ING4: variants seen among roughly 807,000 people sequenced by gnomAD.
ING4 encodes the protein inhibitor of growth family member 4.
A neutral mutation model predicts 33.1 loss-of-function variants in ING4; 28 were observed. The observed-to-expected ratio is 0.85, with a 90% CI of 0.63 to 1.16. The LOEUF is 1.16. Ranked by LOEUF, ING4 falls within the 50% of genes most tolerant of loss-of-function variation. The pLI, the probability that ING4 is intolerant of heterozygous loss-of-function variation, is 0.00. For synonymous variants in ING4, 87 were observed against 104.4 expected (o/e 0.83, Z 1.02); for missense variants, 247 against 314.7 (o/e 0.78, Z 1.63).
In ING4 at chr12:6,651,136, G is replaced by T; in HGVS notation, c.*59C>A. On this transcript the variant is annotated 3_prime_UTR_variant, in exon 8 of 8. Transcript: ENST00000341550. ...CTGGCCCCAGCACAGGCATTCCTCT[G>T]CCCACTAGCCCAAGTCAGGGGATGT... is the stretch of plus-strand genomic sequence containing the variant. The T allele has an allele frequency of 4.4e-6, 7 of 1,583,626 alleles. No individual in the cohort carries two copies. The highest frequency in any genetic ancestry group is 6.1e-6 in the Non-Finnish European group (7 of 1,152,682).
At chr12:6,658,853 G>A (rs907994987) in intron 1 of ING4, among the ~76,000 whole-genome samples, 1 of 152,152 alleles carries the variant, frequency 6.6e-6, no homozygotes, top group African/African-American at 2.4e-5. Flanking sequence ...CTCCCTTTGT[G>A]CTCTGCTTTG....
At position 6,653,059 on chromosome 12, in the gene ING4, AAAGG is replaced by A. The variant is rs756021538; in HGVS notation, c.277-13_277-10del. ...CGAATGTGTTTGTCCACCTGGGTGG[AAAGG>A]AAGGAGAAAGGAGAGGTACAAAACT... is the stretch of plus-strand genomic sequence containing the variant. On this transcript the variant is annotated splice_polypyrimidine_tract_variant and intron_variant, in intron 3 of 7. Coordinates refer to ENST00000341550, the MANE Select transcript of ING4 (RefSeq NM_016162.4). The A allele has an allele frequency of 2.0e-5, 32 of 1,613,512 alleles. No individual in the cohort carries two copies. The South Asian group carries it at 3.4e-4, about 17-fold the overall frequency.
chr12:6,661,283 A>G (rs1949539320), intron 1 of ING4, among the ~76,000 whole-genome samples: 1 of 151,132 alleles, frequency 6.6e-6, no homozygotes, highest in South Asian at 2.1e-4. Flanking sequence ...TTTTTAGTAG[A>G]GACGGGGTTT....
At chr12:6,657,031 C>T (rs4764615) in intron 1 of ING4, among the ~76,000 whole-genome samples, 123,260 of 152,112 alleles carry the variant, frequency 0.81, 51,712 homozygotes, top group Non-Finnish European at 0.93. Flanking sequence ...GTGGGCATCT[C>T]TAATCCCAGC....
intron 5 of ING4, 76 bp downstream of exon 5, chr12:6,652,586 G>A: frequency 2.1e-6 from 3 of 1,420,716 alleles, no homozygotes; most frequent in Non-Finnish European, 3.0e-6. Flanking sequence ...AAGCGGCAGG[G>A]GGCGGTGCAG....
At chr12:6,662,967 G>A (rs551305981) in intron 1 of ING4, 98 bp downstream of exon 1, 1 of 1,299,420 alleles carries the variant, frequency 7.7e-7, no homozygotes, top group African/African-American at 1.5e-5. Flanking sequence ...TCATAATTGT[G>A]ACCTTCTCGT....
At chr12:6,653,082 C>T in intron 3 of ING4, 32 bp from the exon 4 acceptor site, 1 of 1,606,704 alleles carries the variant, frequency 6.2e-7, no homozygotes, top group South Asian at 1.1e-5. Context: ...AGGAGAGGTA[C>T]AAAACTATCT....
intron 6 of ING4, 29 bp downstream of exon 6, chr12:6,652,242 C>A: frequency 1.2e-6 from 2 of 1,608,566 alleles, no homozygotes; most frequent in Non-Finnish European, 1.7e-6. Flanking sequence ...CCCTCACAAC[C>A]CCCCATCCTA....
At chr12:6,659,716 G>C (rs914805678) in intron 1 of ING4, among the ~76,000 whole-genome samples, 12 of 151,728 alleles carry the variant, frequency 7.9e-5, no homozygotes, top group Admixed American at 2.0e-4. Flanking sequence ...GGGAGGCTGA[G>C]GCAGGAGAGT....
At position 6,651,361 on chromosome 12, in the gene ING4, C is replaced by A. The variant is rs1189915563; in HGVS notation, c.670G>T (p.Ala224Ser). Residue 224 changes from alanine (A) to serine (S), a missense_variant, in exon 7 of 8, where the codon GCC (alanine) becomes TCC (serine). Around this residue, in one of 3 missense-constraint regions of ING4, gnomAD observed 38 missense variants for 49.7 expected, o/e 0.77. Coordinates refer to ENST00000341550, the MANE Select transcript of ING4 (RefSeq NM_016162.4). ...GGCTTGGTTGTCAGCCCCACACAGG[C>A]AAAATGGAACCACTCAATGGAACAC... The part of the protein sequence containing the change: ...PDCSIEWFHF[A>S]CVGLTTKPRG... 5 of 1,613,956 alleles carry A rather than the reference C, an allele frequency of 3.1e-6. No homozygotes were observed. The highest frequency in any genetic ancestry group is 3.3e-5 in the Admixed American group (2 of 59,996).
At chr12:6,662,293 C>T (rs1008561339) in intron 1 of ING4, among the ~76,000 whole-genome samples, 1 of 152,126 alleles carries the variant, frequency 6.6e-6, no homozygotes, top group Admixed American at 6.5e-5. Context: ...TACCAAGTGT[C>T]CTTTTTAATG....
chr12:6,653,307 G>C lies in ING4; in HGVS notation c.199C>G (p.Gln67Glu), dbSNP rs1949243931. 3.1e-6 allele frequency: 5 copies of C among 1,614,170 alleles called. No homozygotes were observed. The highest frequency in any genetic ancestry group is 4.2e-6 in the Non-Finnish European group (5 of 1,180,044). Residue 67 changes from glutamine (Q) to glutamate (E), a missense_variant, in exon 3 of 8, where the codon CAG becomes GAG. Coordinates refer to ENST00000341550, the MANE Select transcript of ING4 (RefSeq NM_016162.4). ...CACTTGCCATAGGCTTCCTGGATCT[G>C]TTTGAGAAGGGCCAATTTTTCCTCG... ...SSEEKLALLK[Q>E]IQEAYGKCKE... is the part of the protein sequence containing the mutation.
At chr12:6,662,267 T>C (rs1949579603) in intron 1 of ING4, among the ~76,000 whole-genome samples, 1 of 152,098 alleles carries the variant, frequency 6.6e-6, no homozygotes, top group Non-Finnish European at 1.5e-5. Flanking sequence ...TTACCCCCCT[T>C]TTCTCCAGGG....
chr12:6,653,465 T>A, intron 2 of ING4, 69 bp from the exon 3 acceptor site: 1 of 1,455,676 alleles, frequency 6.9e-7, no homozygotes, highest in South Asian at 1.3e-5. Flanking sequence ...TTCTTCCTTT[T>A]GTTCTTTGGA....
rs747367807 is a variant in ING4, at chr12:6,656,773, T to C, written c.63A>G (p.Leu21=). 22 of 1,576,334 alleles carry C rather than the reference T, an allele frequency of 1.4e-5. No homozygotes were observed. Among genetic ancestry groups the C allele is most frequent in the Non-Finnish European group, 1.8e-5 (21 of 1,165,458 alleles). ...LDSIENLPFE[L]QRNFQLMRDL... ...CCCTCATGAGCTGAAAGTTTCTCTG[T>C]AATTCAAAGGGAAGGTTTTCAATAC... The change falls in exon 2 of 8, where the codon TTA becomes TTG. Residue 21 remains leucine, a synonymous_variant. Transcript: ENST00000341550.
chr12:6,656,907 A>G (rs1193982793), intron 1 of ING4, 109 bp from the exon 2 acceptor site: 3 of 643,286 alleles, frequency 4.7e-6, no homozygotes, highest in Non-Finnish European at 7.8e-6. Flanking sequence ...CAATCCCAGC[A>G]CTTTGGGAGG....
At position 6,653,339 on chromosome 12, in the gene ING4, A is replaced by T. The variant is rs1250918004; in HGVS notation, c.167T>A (p.Leu56Gln). The T allele has an allele frequency of 1.2e-6, 2 of 1,614,080 alleles. No individual in the cohort carries two copies. Among genetic ancestry groups the T allele is most frequent in the Non-Finnish European group, 1.7e-6 (2 of 1,180,058 alleles). Residue 56 changes from leucine to glutamine, a missense_variant, in exon 3 of 8, where the codon CTG becomes CAG. By Grantham distance (113) the Leu-to-Gln change is moderately radical. Transcript: ENST00000341550. Reference protein sequence around the residue: ...ATEYMSSARSLSSEEKLALLK... With the variant: ...ATEYMSSARSQSSEEKLALLK... ...AAGGGCCAATTTTTCCTCGGAGCTC[A>T]GGCTGCGGGCACTACTCATATACTC...
rs576322582 is a variant in ING4 at position 6,651,341 on chromosome 12, G to C, written c.690C>G (p.Thr230=). The C allele has an allele frequency of 1.9e-5, 31 of 1,614,138 alleles. No individual in the cohort carries two copies. In the South Asian group the frequency reaches 2.5e-4, roughly 13 times the overall value. ...CCACTTACCATTTCCCCCGAGGCTT[G>C]GTTGTCAGCCCCACACAGGCAAAAT... ...WFHFACVGLT[T]KPRGKWFCPR... Residue 230 remains threonine, a synonymous_variant, in exon 7 of 8, where the codon ACC becomes ACG. Transcript: ENST00000341550.
At position 6,653,066 on chromosome 12, in the gene ING4, G is replaced by T; in HGVS notation, c.277-16C>A. The T allele has an allele frequency of 1.2e-6, 2 of 1,612,368 alleles. No individual in the cohort carries two copies. The highest frequency in any genetic ancestry group is 1.7e-6 in the Non-Finnish European group (2 of 1,178,414). ...GTTTGTCCACCTGGGTGGAAAGGAA[G>T]GAGAAAGGAGAGGTACAAAACTATC... On this transcript the variant is annotated splice_polypyrimidine_tract_variant and intron_variant, in intron 3 of 7. Coordinates refer to ENST00000341550, the MANE Select transcript of ING4 (RefSeq NM_016162.4).
Sources: gnomAD v4.1 joint callset for allele counts (sites outside exome capture counted in the v4.1 genomes callset) on GRCh38, gnomAD v4.1.1 for gene constraint, gnomAD v4.1.1 regional missense constraint, MANE v1.5 for transcripts, NCBI Gene and HGNC (gene_info 2026-07-23, HGNC 2026-07-21) for gene names.